BCL2L13: variants seen among roughly 807,000 people sequenced by gnomAD.
BCL2L13 encodes the protein bcl-2-like protein 13.
Under a neutral mutation model 25.8 loss-of-function variants are expected in BCL2L13, and 13 were observed. That is an observed-to-expected ratio of 0.50 (90% CI 0.33 to 0.80). The LOEUF (loss-of-function observed/expected upper bound fraction) is 0.80, where lower values mean the gene tolerates loss of function less well. Ranked by LOEUF, BCL2L13 falls within the 30% of genes least tolerant of loss-of-function variation. BCL2L13 has a pLI of 0.02. For synonymous variants in BCL2L13, 244 were observed against 230.3 expected (o/e 1.06, Z -0.54); for missense variants, 504 against 574.9 (o/e 0.88, Z 1.26).
chr22:17,690,339 T>TAA (rs2060070146), intron 4 of BCL2L13, among the ~76,000 whole-genome samples: 1 of 150,448 alleles, frequency 6.6e-6, no homozygotes, highest in Non-Finnish European at 1.5e-5. Context: ...GAAAAAAATT[T>TAA]TTTTTTTATT....
intron 3 of BCL2L13, among the ~76,000 whole-genome samples, chr22:17,687,317 GTTTTATTTTAT>G (rs67932210): frequency 0.52 from 78,449 of 151,306 alleles, 20,996 homozygotes; most frequent in East Asian, 0.84. Flanking sequence ...CTGGATTCAA[GTTTTATTTTAT>G]TTTTATTTAA....
chr22:17,667,393 ACTC>A (rs1196862073), intron 2 of BCL2L13, among the ~76,000 whole-genome samples: 7 of 151,826 alleles, frequency 4.6e-5, no homozygotes. Flanking sequence ...CTAGTCTCGA[ACTC>A]CTGACCTCAT....
intron 6 of BCL2L13, chr22:17,706,797 C>T (rs2060605520): frequency 7.4e-7 from 1 of 1,352,080 alleles, no homozygotes; most frequent in Middle Eastern, 2.1e-4. Flanking sequence ...CTGTCTGTCT[C>T]CTGGAAAGGG....
At chr22:17,721,093 C>A (rs1388558220) in intron 6 of BCL2L13, among the ~76,000 whole-genome samples, 1 of 151,980 alleles carries the variant, frequency 6.6e-6, no homozygotes, top group Non-Finnish European at 1.5e-5. Context: ...TGGCATGAAC[C>A]CGGGAGGTGG....
At position 17,702,351 on chromosome 22, in the gene BCL2L13, T is replaced by C. The variant is rs2060463304; in HGVS notation, c.565T>C (p.Tyr189His). The change falls in exon 6 of 7, where the codon TAT becomes CAT. Residue 189 changes from tyrosine (Y) to histidine (H), a missense_variant. Transcript: ENST00000317582. ...LQFGVTYLED[Y>H]SAEYIIQQGG... ...GTTTGGCGTGACATACCTGGAGGAC[T>C]ATTCGGCAGAGTACATCATTCAGCA... is the stretch of plus-strand genomic sequence containing the variant. 6.2e-7 allele frequency: 1 copy of C among 1,610,466 alleles called. No individual in the cohort carries two copies. The highest frequency in any genetic ancestry group is 8.5e-7 in the Non-Finnish European group (1 of 1,178,166).
At chr22:17,646,955 A>ATATATAT (rs768488873) in intron 1 of BCL2L13, among the ~76,000 whole-genome samples, 19 of 22,190 alleles carry the variant, frequency 8.6e-4, no homozygotes, top group South Asian at 5.3e-3. Flanking sequence ...ATATATATAT[A>ATATATAT]TTTTTTTTTT....
chr22:17,670,898 A>T (rs1350993886), intron 2 of BCL2L13, among the ~76,000 whole-genome samples: 1 of 152,094 alleles, frequency 6.6e-6, no homozygotes, highest in East Asian at 1.9e-4. Context: ...CAAGATGCTT[A>T]GGGGGTATGA....
At chr22:17,667,756 G>T (rs1422425375) in intron 2 of BCL2L13, among the ~76,000 whole-genome samples, 1 of 151,974 alleles carries the variant, frequency 6.6e-6, no homozygotes, top group Non-Finnish European at 1.5e-5. Context: ...TGATCTGCCC[G>T]CCTTGGCCTC....
intron 4 of BCL2L13, among the ~76,000 whole-genome samples, chr22:17,690,498 T>A (rs545177972): frequency 3.9e-5 from 6 of 152,174 alleles, no homozygotes; most frequent in African/African-American, 1.4e-4. Context: ...GAAATCGTAT[T>A]TGGTAATCTC....
rs1170653951 is a variant in BCL2L13 at position 17,727,930 on chromosome 22, A to G, written c.*396A>G. ...ACGAAAATGTCTCTAGACATTGCCA[A>G]ATGTCCCGTGTGAACATCCCCTATT... On this transcript the variant is annotated 3_prime_UTR_variant, in exon 7 of 7. Transcript: ENST00000317582. 7 of 221,542 alleles carry G rather than the reference A, an allele frequency of 3.2e-5. No individual in the cohort carries two copies. Among genetic ancestry groups the G allele is most frequent in the Admixed American group, 2.0e-4 (4 of 19,754 alleles). 13.7% of individuals were successfully genotyped at this position (221,542 alleles called of 1,614,324 possible).
intron 1 of BCL2L13, among the ~76,000 whole-genome samples, chr22:17,631,245 C>T (rs542462076): frequency 7.9e-5 from 12 of 151,136 alleles, no homozygotes; most frequent in Middle Eastern, 3.4e-3. Context: ...TACAAGCGCC[C>T]GCCACCACGC....
chr22:17,657,571 G>A (rs569279391), intron 2 of BCL2L13, among the ~76,000 whole-genome samples: 4 of 151,602 alleles, frequency 2.6e-5, no homozygotes, highest in East Asian at 1.9e-4. Flanking sequence ...AGAGTGCAGC[G>A]GCACGATCTC....
intron 2 of BCL2L13, among the ~76,000 whole-genome samples, chr22:17,676,778 A>G (rs1188068301): frequency 6.6e-6 from 1 of 152,172 alleles, no homozygotes; most frequent in Admixed American, 6.5e-5. Flanking sequence ...ACCTGTTATA[A>G]TTATAAACAG....
chr22:17,644,315 A>G (rs946239990), intron 1 of BCL2L13, among the ~76,000 whole-genome samples: 1 of 149,116 alleles, frequency 6.7e-6, no homozygotes, highest in Non-Finnish European at 1.5e-5. Flanking sequence ...ACTCTGTATT[A>G]CTGGAGCATT....
chr22:17,655,720 C>G lies in BCL2L13; in HGVS notation c.9C>G (p.Ser3=). 1 of 1,612,266 alleles carries G rather than the reference C, an allele frequency of 6.2e-7. No individual in the cohort carries two copies. The highest frequency in any genetic ancestry group is 8.5e-7 in the Non-Finnish European group (1 of 1,179,042). The change falls in exon 2 of 7, where the codon TCC becomes TCG. Residue 3 remains serine (S), a synonymous_variant. Coordinates refer to ENST00000317582, the MANE Select transcript of BCL2L13 (RefSeq NM_015367.4). MA[S]SSTVPLGFHY... ...CCTCACCAGCCAATTCAATGGCGTC[C>G]TCTTCTACTGTGCCTCTGGGATTTC...
At chr22:17,633,389 A>G (rs1433511472) in intron 1 of BCL2L13, among the ~76,000 whole-genome samples, 1 of 152,246 alleles carries the variant, frequency 6.6e-6, no homozygotes, top group Non-Finnish European at 1.5e-5. Context: ...AAGATGAGCC[A>G]GTTGGTAGTT....
intron 4 of BCL2L13, among the ~76,000 whole-genome samples, chr22:17,695,071 T>C (rs998574056): frequency 6.7e-6 from 1 of 148,220 alleles, no homozygotes; most frequent in African/African-American, 2.6e-5. Flanking sequence ...TTGGAACTTA[T>C]GGTTCCAGGA....
At chr22:17,696,010 C>A in intron 4 of BCL2L13, 131 bp from the exon 5 acceptor site, 1 of 531,652 alleles carries the variant, frequency 1.9e-6, no homozygotes, top group Non-Finnish European at 3.5e-6. Flanking sequence ...ACGTCTTGTA[C>A]AAAACAGTAT....
chr22:17,694,798 T>G (rs2060214457), intron 4 of BCL2L13, among the ~76,000 whole-genome samples: 1 of 152,200 alleles, frequency 6.6e-6, no homozygotes, highest in Non-Finnish European at 1.5e-5. Flanking sequence ...AAACCTGATT[T>G]CAAAATGTTA....
Sources: allele counts gnomAD v4.1 joint callset (sites outside exome capture counted in the v4.1 genomes callset), GRCh38; gene constraint gnomAD v4.1.1; transcripts MANE v1.5; gene names NCBI Gene and HGNC (gene_info 2026-07-23, HGNC 2026-07-21).